The following SPTLC3 variants were observed in gnomAD, a reference collection of about 807,000 sequenced individuals.
SPTLC3 encodes the protein serine palmitoyltransferase long chain base subunit 3, also known as serine palmitoyltransferase 3.
SPTLC3 carries 36 observed loss-of-function variants against 59.3 expected under a neutral mutation model. That is an observed-to-expected ratio of 0.61 (90% CI 0.47 to 0.80). The LOEUF (loss-of-function observed/expected upper bound fraction) is 0.80. Ranked by LOEUF, SPTLC3 falls within the 30% of genes least tolerant of loss-of-function variation. The pLI, the probability that SPTLC3 is intolerant of heterozygous loss-of-function variation, is 0.00. For synonymous variants in SPTLC3, 257 were observed against 240.8 expected, an observed-to-expected ratio of 1.07 and a Z score of -0.62; for missense variants, 625 against 685.1, an observed-to-expected ratio of 0.91 and a Z score of 0.98.
chr20:13,056,524 T>C (rs1252259755), intron 2 of SPTLC3, among the ~76,000 whole-genome samples: 1 of 148,174 alleles, frequency 6.7e-6, no homozygotes, highest in African/African-American at 2.5e-5. Context: ...CTCGGCTCAC[T>C]GCAAACCTCC....
rs572752482 is a variant in SPTLC3, at chr20:13,117,629, G to C, written c.1056G>C (p.Thr352=). 1.2e-6 allele frequency: 2 copies of C among 1,613,968 alleles called. No homozygotes were observed. The highest frequency in any genetic ancestry group is 1.1e-5 in the South Asian group (1 of 91,082). ...TGGGCCCAACCGGCCGGGGTGTCAC[G>C]GAGTTCTTTGGACTAGACCCTCATG... The part of the protein sequence containing the change: ...GAVGPTGRGV[T]EFFGLDPHEV... The change falls in exon 8 of 12, where the codon ACG becomes ACC. Residue 352 remains threonine (T), a synonymous_variant. Coordinates refer to ENST00000399002, the MANE Select transcript of SPTLC3 (RefSeq NM_018327.4).
intron 4 of SPTLC3, among the ~76,000 whole-genome samples, chr20:13,088,784 A>ATTTTTTTTTTTTTTTTTTTTTTTT: frequency 8.9e-6 from 1 of 111,888 alleles, no homozygotes; most frequent in Non-Finnish European, 1.7e-5. Context: ...GCACCCGGCT[A>ATTTTTTTTTTTTTTTTTTTTTTTT]TTTTTTTTTT....
At chr20:13,015,256 G>A (rs1388543025) in intron 1 of SPTLC3, among the ~76,000 whole-genome samples, 1 of 152,126 alleles carries the variant, frequency 6.6e-6, no homozygotes, top group East Asian at 1.9e-4. Flanking sequence ...TTGCACTCAA[G>A]CAAGATGAAA....
At chr20:13,016,585 C>G (rs1171169183) in intron 1 of SPTLC3, among the ~76,000 whole-genome samples, 1 of 152,198 alleles carries the variant, frequency 6.6e-6, no homozygotes, top group Non-Finnish European at 1.5e-5. Context: ...ACTTCAACAA[C>G]TGTCGAAGAC....
intron 6 of SPTLC3, among the ~76,000 whole-genome samples, chr20:13,109,581 T>G (rs1442663015): frequency 6.6e-6 from 1 of 152,196 alleles, no homozygotes; most frequent in Non-Finnish European, 1.5e-5. Context: ...TGTTCAGAGA[T>G]CCCCAAATAT....
intron 1 of SPTLC3, among the ~76,000 whole-genome samples, chr20:13,038,462 T>A (rs2122461180): frequency 6.6e-6 from 1 of 152,256 alleles, no homozygotes; most frequent in Middle Eastern, 3.4e-3. Flanking sequence ...TCTAATATGT[T>A]GACATATAAT....
At chr20:13,120,147 G>GA (rs1333212041) in intron 8 of SPTLC3, among the ~76,000 whole-genome samples, 2 of 152,002 alleles carry the variant, frequency 1.3e-5, no homozygotes, top group Non-Finnish European at 2.9e-5. Context: ...ATTTTTGTTT[G>GA]AAAAAACTAC....
intron 2 of SPTLC3, chr20:13,049,948 A>G (rs891372633): frequency 3.9e-5 from 6 of 152,232 alleles, no homozygotes; most frequent in African/African-American, 1.4e-4. Flanking sequence ...AAGAATCTGA[A>G]CAACAGTCTT....
chr20:13,031,047 C>A (rs77737439), intron 1 of SPTLC3, among the ~76,000 whole-genome samples: 8,404 of 152,204 alleles, frequency 0.055, 275 homozygotes, highest in South Asian at 0.083. Flanking sequence ...GTCTCTGTTA[C>A]AACTACTCAA....
In SPTLC3 at chr20:13,159,113, A is replaced by G. The variant is rs534297694; in HGVS notation, c.1416-890A>G. 2.8e-4 allele frequency among the ~76,000 whole-genome samples: 43 copies of G among 152,332 alleles called. No individual in the cohort carries two copies. The South Asian group carries it at 8.5e-3, about 30-fold the overall frequency. On this transcript the variant is annotated intron_variant, in intron 10 of 11. Coordinates refer to ENST00000399002, the MANE Select transcript of SPTLC3 (RefSeq NM_018327.4). Reference sequence around the variant, plus strand: ...CTGACCTTGGCTCTCAGCACAAGATATTTACAGCCTTTGAGCTTGATATTC... The same window carrying G: ...CTGACCTTGGCTCTCAGCACAAGATGTTTACAGCCTTTGAGCTTGATATTC...
chr20:13,023,785 A>G (rs79892167), intron 1 of SPTLC3, among the ~76,000 whole-genome samples: 6,907 of 152,286 alleles, frequency 0.045, 224 homozygotes, highest in South Asian at 0.084. Context: ...GGTAGGGAGC[A>G]TGCTTTAAGC....
intron 4 of SPTLC3, among the ~76,000 whole-genome samples, chr20:13,084,954 GA>G (rs1988957920): frequency 6.6e-6 from 1 of 152,174 alleles, no homozygotes; most frequent in South Asian, 2.1e-4. Context: ...TGTTTGATGT[GA>G]AAGACCATCA....
rs7263947 is a variant in SPTLC3, at chr20:13,070,788, T to C, written c.304-1468T>C. Among the ~76,000 whole-genome samples the C allele has an allele frequency of 3.7e-3, 560 of 152,254 alleles. 3 individuals are homozygous for C. Among genetic ancestry groups the C allele is most frequent in the African/African-American group, 0.013 (528 of 41,540 alleles). On this transcript the variant is annotated intron_variant, in intron 2 of 11. Coordinates refer to ENST00000399002, the MANE Select transcript of SPTLC3 (RefSeq NM_018327.4). ...ACCAGAAGCTATATGAGTCAGGATG[T>C]CTAATCAGGAGTGAGGTGGGAGCCA...
At chr20:13,035,951 A>G (rs1033766402) in intron 1 of SPTLC3, among the ~76,000 whole-genome samples, 2 of 152,180 alleles carry the variant, frequency 1.3e-5, no homozygotes, top group African/African-American at 4.8e-5. Flanking sequence ...TACTCTCATC[A>G]TTCTTGCATC....
intron 1 of SPTLC3, among the ~76,000 whole-genome samples, chr20:13,031,546 A>G (rs1986448794): frequency 6.6e-6 from 1 of 152,116 alleles, no homozygotes; most frequent in African/African-American, 2.4e-5. Flanking sequence ...CCTTTTCACC[A>G]CTGCTATGGC....
intron 1 of SPTLC3, among the ~76,000 whole-genome samples, chr20:13,020,479 G>A (rs1985821329): frequency 6.6e-6 from 1 of 152,120 alleles, no homozygotes; most frequent in African/African-American, 2.4e-5. Context: ...CGTGAGCTGT[G>A]ATTGCTCCAC....
Position 13,167,757 on chromosome 20 carries a change from C to G in SPTLC3, c.*2890C>G, listed in dbSNP as rs1476321052. ...AATTTACTAGGAAGCTGGCTAAAAT[C>G]CATACCCCTAGGCCCTACACCAGAC... On this transcript the variant is annotated 3_prime_UTR_variant, in exon 12 of 12. Coordinates refer to ENST00000399002, the MANE Select transcript of SPTLC3 (RefSeq NM_018327.4). The G allele has an allele frequency of 1.3e-5, 2 of 152,236 alleles. No individual in the cohort carries two copies. Among genetic ancestry groups the G allele is most frequent in the Admixed American group, 1.3e-4 (2 of 15,284 alleles). 9.4% of individuals were successfully genotyped at this position (152,236 alleles called of 1,614,324 possible).
intron 6 of SPTLC3, among the ~76,000 whole-genome samples, chr20:13,101,471 C>T (rs76975564): frequency 1.3e-5 from 2 of 152,302 alleles, no homozygotes; most frequent in East Asian, 3.9e-4. Flanking sequence ...TGAAGTTTGG[C>T]CTCTGCATTC....
chr20:13,017,304 T>C (rs1985579651), intron 1 of SPTLC3, among the ~76,000 whole-genome samples: 1 of 152,168 alleles, frequency 6.6e-6, no homozygotes, highest in Non-Finnish European at 1.5e-5. Context: ...ACCTGTCACC[T>C]CCATGCCTCA....
Sources: allele counts gnomAD v4.1 joint callset (sites outside exome capture counted in the v4.1 genomes callset), GRCh38; gene constraint gnomAD v4.1.1; transcripts MANE v1.5; gene names NCBI Gene and HGNC (gene_info 2026-07-23, HGNC 2026-07-21).